JPT2: variants seen among roughly 807,000 people sequenced by gnomAD.
The protein encoded by JPT2 is Jupiter microtubule associated homolog 2, also known as CRAMP_1 like.
JPT2 carries 9 observed loss-of-function variants against 15.9 expected under a neutral mutation model. That is an observed-to-expected ratio of 0.57 (90% CI 0.34 to 0.99). The LOEUF is 0.99. Among genes scored for constraint, JPT2 ranks in the 50% least tolerant of loss-of-function variants. The pLI, the probability that JPT2 is intolerant of heterozygous loss-of-function variation, is 0.02. For missense variants in JPT2, 267 were observed against 252.1 expected, an observed-to-expected ratio of 1.06 and a Z score of -0.40; for synonymous variants, 95 against 91.7, an observed-to-expected ratio of 1.04 and a Z score of -0.21.
At chr16:1,693,276 T>C (rs1202658027) in intron 3 of JPT2, among the ~76,000 whole-genome samples, 1 of 152,174 alleles carries the variant, frequency 6.6e-6, no homozygotes, top group Non-Finnish European at 1.5e-5. Flanking sequence ...TTTGTATTTT[T>C]AGAAGAGACA....
At chr16:1,702,548 A>G (rs2037186386), downstream of JPT2, among the ~76,000 whole-genome samples, 1 of 152,230 alleles carries the variant, frequency 6.6e-6, no homozygotes, top group Non-Finnish European at 1.5e-5. Flanking sequence ...GTCCAGGAAT[A>G]CACAGGCTCT....
intron 1 of JPT2, chr16:1,683,449 A>T (rs919417472): frequency 3.1e-5 from 36 of 1,145,730 alleles, no homozygotes; most frequent in Admixed American, 4.2e-5. Flanking sequence ...GGTTATTTTT[A>T]AAAAATAATT....
intron 3 of JPT2, among the ~76,000 whole-genome samples, chr16:1,693,778 G>T (rs150016340): frequency 6.6e-6 from 1 of 151,532 alleles, no homozygotes; most frequent in East Asian, 1.9e-4. Flanking sequence ...AGAATATCTC[G>T]TAATGCCAGA....
At chr16:1,688,318 G>C (rs914268384) in intron 2 of JPT2, 1 of 152,172 alleles carries the variant, frequency 6.6e-6, no homozygotes, top group South Asian at 2.1e-4. Flanking sequence ...AGACCTAGCC[G>C]GTAGCAGTGC....
chr16:1,689,130 G>GT (rs2142225221), intron 2 of JPT2: 1 of 152,012 alleles, frequency 6.6e-6, no homozygotes, highest in South Asian at 2.1e-4. Context: ...TTTCTGTTAT[G>GT]TTTCACAGTT....
intron 3 of JPT2, among the ~76,000 whole-genome samples, chr16:1,693,791 A>G (rs1203762219): frequency 6.6e-6 from 1 of 151,556 alleles, no homozygotes; most frequent in African/African-American, 2.4e-5. Context: ...ATGCCAGAAA[A>G]TGAGGAAGCC....
At chr16:1,683,455 T>C in intron 1 of JPT2, 1 of 1,190,484 alleles carries the variant, frequency 8.4e-7, no homozygotes, top group African/African-American at 1.5e-5. Context: ...TTTTAAAAAA[T>C]AATTTTTCTT....
intron 3 of JPT2, among the ~76,000 whole-genome samples, chr16:1,696,520 C>CAA (rs56844421): frequency 9.8e-5 from 11 of 112,082 alleles, no homozygotes; most frequent in Admixed American, 4.4e-4. Flanking sequence ...GACTCCGTGT[C>CAA]AAAAAAAAAA....
chr16:1,694,441 G>T (rs2037126586), intron 3 of JPT2, among the ~76,000 whole-genome samples: 1 of 152,220 alleles, frequency 6.6e-6, no homozygotes, highest in African/African-American at 2.4e-5. Context: ...CAAGAATGTA[G>T]CCCTATAAGA....
intron 1 of JPT2, among the ~76,000 whole-genome samples, chr16:1,684,129 A>G (rs763341106): frequency 1.3e-5 from 2 of 152,200 alleles, no homozygotes; most frequent in Non-Finnish European, 2.9e-5. Flanking sequence ...TACAGATGCA[A>G]CCATCCTTTT....
chr16:1,683,559 T>C, intron 1 of JPT2: 1 of 1,535,502 alleles, frequency 6.5e-7, no homozygotes, highest in Non-Finnish European at 8.7e-7. Flanking sequence ...CCCAGCCTCC[T>C]GAGTGGACAG....
At position 1,698,941 on chromosome 16, in the gene JPT2, C is replaced by T. The variant is rs2037162206; in HGVS notation, c.516C>T (p.Arg172=). Residue 172 remains arginine (R), a synonymous_variant, in exon 5 of 5, where the codon CGC becomes CGT. Transcript: ENST00000248098. This position sits in a 1 kb window ranked among gnomAD's most constrained non-coding sequence, Gnocchi z 4.9. The part of the protein sequence containing the change: ...SHEPRLGPRP[R]SHNKVLNPPG... ...AGCCCCGGCTGGGGCCGCGGCCTCG[C>T]TCTCACAACAAGGTCCTGAACCCAC... 1 of 1,614,200 alleles carries T rather than the reference C, an allele frequency of 6.2e-7. No homozygotes were observed.
intron 2 of JPT2, chr16:1,690,571 GAA>G (rs1238740554): frequency 1.3e-5 from 2 of 152,130 alleles, no homozygotes; most frequent in East Asian, 1.9e-4. Flanking sequence ...TTCGAGAACA[GAA>G]AATGCAAAAG....
At position 1,698,207 on chromosome 16, in the gene JPT2, G is replaced by T. The variant is rs1251131881; in HGVS notation, c.385+347G>T. On this transcript the variant is annotated intron_variant, in intron 4 of 4. Transcript: ENST00000248098. The surrounding 1 kb of genome is among the most constrained non-coding windows in gnomAD (Gnocchi z 4.9). ...CGAGAAGAGAGGGGCACAAGAGAGG[G>T]ATGGAGGATGGGGAGGCGGGTGTCT... Among the ~76,000 whole-genome samples the T allele has an allele frequency of 6.6e-6, 1 of 152,244 alleles. No homozygotes were observed. Among genetic ancestry groups the T allele is most frequent in the African/African-American group, 2.4e-5 (1 of 41,464 alleles).
At chr16:1,682,756 A>G (rs1259589982) in intron 1 of JPT2, among the ~76,000 whole-genome samples, 1 of 152,126 alleles carries the variant, frequency 6.6e-6, no homozygotes, top group African/African-American at 2.4e-5. Flanking sequence ...GGCCACTCTA[A>G]GAGCACCTCA....
At chr16:1,689,240 A>AG (rs1487785356) in intron 2 of JPT2, 3 of 152,138 alleles carry the variant, frequency 2.0e-5, no homozygotes, top group African/African-American at 7.2e-5. Context: ...TTAAAAAAAA[A>AG]AAAAGTCAGC....
chr16:1,688,181 T>G (rs1468507203), intron 2 of JPT2, among the ~76,000 whole-genome samples: 10 of 152,244 alleles, frequency 6.6e-5, no homozygotes, highest in Admixed American at 5.9e-4. Context: ...AGGAGTAGGT[T>G]GTTTTGCTCC....
At chr16:1,682,069 A>G (rs779404878) in intron 1 of JPT2, among the ~76,000 whole-genome samples, 6 of 152,218 alleles carry the variant, frequency 3.9e-5, no homozygotes, top group Non-Finnish European at 8.8e-5. Flanking sequence ...GACCTGCTAC[A>G]CTATCCAAGA....
intron 3 of JPT2, among the ~76,000 whole-genome samples, chr16:1,696,244 A>AAACG (rs2037140915): frequency 6.6e-6 from 1 of 151,684 alleles, no homozygotes; most frequent in African/African-American, 2.4e-5. Flanking sequence ...AACAAAAAAC[A>AAACG]AACAAAAAAG....
Sources: gnomAD v4.1 joint callset for allele counts (sites outside exome capture counted in the v4.1 genomes callset) on GRCh38, gnomAD v4.1.1 for gene constraint, Gnocchi (gnomAD v3.1) non-coding constraint, MANE v1.5 for transcripts, NCBI Gene and HGNC (gene_info 2026-07-23, HGNC 2026-07-21) for gene names.